Variants in DLG2 observed in about 807,000 individuals in gnomAD.
DLG2 encodes disks large homolog 2.
DLG2 carries 45 observed loss-of-function variants against 132.5 expected under a neutral mutation model. That is an observed-to-expected ratio of 0.34 (90% CI 0.27 to 0.44). The LOEUF is 0.44. DLG2 is among the 20% of genes least tolerant of loss of function. The pLI is 1.00. For missense variants in DLG2, 1,045 were observed against 1,196.9 expected, an observed-to-expected ratio of 0.87 and a Z score of 1.87; for synonymous variants, 424 against 419.6, an observed-to-expected ratio of 1.01 and a Z score of -0.13.
chr11:84,942,747 A>G (rs892589362), intron 6 of DLG2, among the ~76,000 whole-genome samples: 34 of 152,158 alleles, frequency 2.2e-4, no homozygotes, highest in African/African-American at 7.7e-4. Context: ...CATTTGGTCT[A>G]TGGTGCAGAT....
At chr11:84,667,278 A>G (rs1248972677) in intron 6 of DLG2, among the ~76,000 whole-genome samples, 2 of 152,128 alleles carry the variant, frequency 1.3e-5, no homozygotes, top group African/African-American at 2.4e-5. Flanking sequence ...AAGCTAATGC[A>G]TGTCTTGTGA....
chr11:83,864,582 C>T (rs986922475), intron 16 of DLG2, among the ~76,000 whole-genome samples: 1 of 152,160 alleles, frequency 6.6e-6, no homozygotes, highest in South Asian at 2.1e-4. Flanking sequence ...TGACTGACAT[C>T]TTAAAAGCAT....
At chr11:83,541,378 A>T (rs1448111488) in intron 20 of DLG2, among the ~76,000 whole-genome samples, 1 of 152,224 alleles carries the variant, frequency 6.6e-6, no homozygotes, top group Non-Finnish European at 1.5e-5. Context: ...AAGTCGGCAT[A>T]TGAGCTGATA....
At chr11:84,396,163 A>T (rs958532496) in intron 7 of DLG2, among the ~76,000 whole-genome samples, 4 of 152,282 alleles carry the variant, frequency 2.6e-5, no homozygotes, top group Admixed American at 1.3e-4. Context: ...TTTAAAATTT[A>T]AAAAAATCCT....
intron 7 of DLG2, among the ~76,000 whole-genome samples, chr11:84,455,411 A>G (rs979987427): frequency 3.3e-5 from 5 of 151,286 alleles, no homozygotes; most frequent in Non-Finnish European, 5.9e-5. Context: ...CCTAATTTTA[A>G]TTTCCAAAAT....
chr11:83,635,919 A>G (rs1285902024), intron 18 of DLG2, among the ~76,000 whole-genome samples: 2 of 152,178 alleles, frequency 1.3e-5, no homozygotes. Flanking sequence ...CAAAAATCAT[A>G]CAGCCTCTAA....
intron 6 of DLG2, chr11:84,887,349 G>A (rs1040998144): frequency 2.0e-5 from 3 of 152,216 alleles, no homozygotes; most frequent in African/African-American, 7.2e-5. Context: ...GCTGATTTAT[G>A]AAAGTGAAAA....
At chr11:84,104,834 A>G (rs1164985483) in intron 9 of DLG2, among the ~76,000 whole-genome samples, 3 of 152,088 alleles carry the variant, frequency 2.0e-5, no homozygotes, top group African/African-American at 7.2e-5. Context: ...AAGGGAACTA[A>G]CATTTATTGC....
intron 6 of DLG2, among the ~76,000 whole-genome samples, chr11:84,686,064 G>C (rs2099737892): frequency 1.3e-5 from 2 of 152,164 alleles, no homozygotes; most frequent in African/African-American, 4.8e-5. Context: ...CTAAAGCACT[G>C]AACAGAGATC....
rs754993790 is a variant in DLG2 at position 83,874,439 on chromosome 11, G to A, written c.1546C>T (p.Arg516Trp). Residue 516 changes from arginine to tryptophan, a missense_variant, in exon 16 of 28, where the codon CGG becomes TGG. Arg to Trp is a moderately radical substitution (Grantham distance 101). Around this residue, in one of 4 missense-constraint regions of DLG2, gnomAD observed 261 missense variants for 256.1 expected, o/e 1.02. Coordinates refer to ENST00000376104, the MANE Select transcript of DLG2 (RefSeq NM_001142699.3). ...TCTTACCCTTCCAGGGAGACGGCCC[G>A]TTGGAGAGTCATTGAAGGCTGACGA... ...ATRQPSMTLQRAVSLEGEPRK... is the reference protein window; with the variant it reads ...ATRQPSMTLQWAVSLEGEPRK... The A allele has an allele frequency of 1.7e-5, 28 of 1,600,216 alleles. No homozygotes were observed. In the East Asian group the frequency reaches 1.8e-4, roughly 10 times the overall value.
At chr11:83,513,131 C>A (rs563921751) in intron 21 of DLG2, among the ~76,000 whole-genome samples, 1 of 152,250 alleles carries the variant, frequency 6.6e-6, no homozygotes, top group African/African-American at 2.4e-5. Flanking sequence ...ATGGTTGAAC[C>A]AGTTTATAGT....
rs569616858 is a variant in DLG2 at position 84,981,867 on chromosome 11, C to T, written c.357+129794G>A. Among the ~76,000 whole-genome samples, 119 of 152,170 alleles carry T rather than the reference C, an allele frequency of 7.8e-4. 3 individuals carry two copies. In the South Asian group the frequency reaches 0.012, roughly 16 times the overall value. On this transcript the variant is annotated intron_variant, in intron 6 of 27. Transcript: ENST00000376104. ...TTCAGGCATCTACCCCCTCACTCCA[C>T]GCAAAGAGCTCTCATTAAGTTTACC...
chr11:85,504,656 A>C (rs553976662), intron 3 of DLG2, among the ~76,000 whole-genome samples: 1 of 152,310 alleles, frequency 6.6e-6, no homozygotes, highest in South Asian at 2.1e-4. Context: ...TGGTGCATCC[A>C]GCTTTGTTCT....
chr11:84,633,227 T>C (rs1301311607), intron 6 of DLG2, among the ~76,000 whole-genome samples: 1 of 152,172 alleles, frequency 6.6e-6, no homozygotes, highest in African/African-American at 2.4e-5. Flanking sequence ...TCTCAGCATA[T>C]TATACAAAGC....
At chr11:83,770,917 T>C (rs1393199217) in intron 18 of DLG2, among the ~76,000 whole-genome samples, 3 of 152,186 alleles carry the variant, frequency 2.0e-5, no homozygotes, top group Non-Finnish European at 1.5e-5. Flanking sequence ...AACATCCATA[T>C]GTCAGCAGAC....
At chr11:83,553,483 C>CGTGTGTGT (rs71959561) in intron 19 of DLG2, among the ~76,000 whole-genome samples, 3,313 of 143,810 alleles carry the variant, frequency 0.023, 64 homozygotes, top group South Asian at 0.045. Flanking sequence ...AAGTAAGCAC[C>CGTGTGTGT]GTGTGTGTGT....
rs780704947 is a variant in DLG2 at position 85,283,491 on chromosome 11, AAC to A, written c.186+1727_186+1728del. ...TAATAATAAACAAACCAGAAAAAAAAACAATTATGACAACAGGATGGCATGTT... is the reference window on the plus strand; with the variant it reads ...TAATAATAAACAAACCAGAAAAAAAAAATTATGACAACAGGATGGCATGTT... On this transcript the variant is annotated intron_variant, in intron 4 of 27. Coordinates refer to ENST00000376104, the MANE Select transcript of DLG2 (RefSeq NM_001142699.3). 6.0e-4 allele frequency among the ~76,000 whole-genome samples: 91 copies of A among 151,016 alleles called. 1 individual carries two copies. In the South Asian group the frequency reaches 0.011, roughly 19 times the overall value.
At chr11:85,203,828 T>C (rs1314913350) in intron 4 of DLG2, among the ~76,000 whole-genome samples, 1 of 152,044 alleles carries the variant, frequency 6.6e-6, no homozygotes, top group East Asian at 1.9e-4. Flanking sequence ...ATTAAAAACA[T>C]CATTTACCAT....
At chr11:83,726,881 C>A (rs1212628008) in intron 18 of DLG2, among the ~76,000 whole-genome samples, 1 of 152,130 alleles carries the variant, frequency 6.6e-6, no homozygotes, top group African/African-American at 2.4e-5. Flanking sequence ...AATAATGACC[C>A]CTTCAGATGA....
Sources: allele counts gnomAD v4.1 joint callset (sites outside exome capture counted in the v4.1 genomes callset), GRCh38; gene constraint gnomAD v4.1.1; regional missense constraint gnomAD v4.1.1; transcripts MANE v1.5; gene names NCBI Gene and HGNC (gene_info 2026-07-23, HGNC 2026-07-21).